Variants in EMB observed in about 807,000 individuals in gnomAD.
EMB encodes the protein embigin.
EMB carries 31 observed loss-of-function variants against 41.4 expected under a neutral mutation model. The ratio of observed to expected loss-of-function variants is 0.75; its 90% CI spans 0.56 to 1.01. The LOEUF (loss-of-function observed/expected upper bound fraction) is 1.01. Ranked by LOEUF, EMB falls within the 50% of genes least tolerant of loss-of-function variation. The pLI is 0.00. For synonymous variants in EMB, 137 were observed against 140.4 expected (o/e 0.98, Z 0.17); for missense variants, 379 against 388.3 (o/e 0.98, Z 0.20).
At position 50,416,342 on chromosome 5, in the gene EMB, A is replaced by G. The variant is rs372230563; in HGVS notation, c.197-4959T>C. Among the ~76,000 whole-genome samples, 9 of 152,332 alleles carry G rather than the reference A, an allele frequency of 5.9e-5. No individual in the cohort carries two copies. In the South Asian group the frequency reaches 1.7e-3, roughly 28 times the overall value. ...TGTTCTTAAAACCATATAGTAATTT[A>G]TACCTGTCTAAATAATTTCTTATTT... is the stretch of plus-strand genomic sequence containing the variant. On this transcript the variant is annotated intron_variant, in intron 2 of 8. Transcript: ENST00000303221.
At chr5:50,421,991 C>T (rs1162377862) in intron 2 of EMB, among the ~76,000 whole-genome samples, 2 of 151,666 alleles carry the variant, frequency 1.3e-5, no homozygotes, top group Non-Finnish European at 2.9e-5. Context: ...CACATGTATA[C>T]ATATGTAACA....
chr5:50,420,081 T>C (rs1345566629), intron 2 of EMB, among the ~76,000 whole-genome samples: 1 of 152,104 alleles, frequency 6.6e-6, no homozygotes, highest in African/African-American at 2.4e-5. Context: ...CATGCTGGGC[T>C]TACTGTCTAG....
chr5:50,412,628 T>C (rs1375359098), intron 2 of EMB, among the ~76,000 whole-genome samples: 6 of 151,520 alleles, frequency 4.0e-5, no homozygotes, highest in Non-Finnish European at 8.8e-5. Context: ...AAGCCCCCAC[T>C]TTTAACTGGC....
chr5:50,412,257 GACACAC>G (rs59853245), intron 2 of EMB, among the ~76,000 whole-genome samples: 16 of 141,740 alleles, frequency 1.1e-4, no homozygotes, highest in Non-Finnish European at 2.0e-4. Context: ...CACACACACA[GACACAC>G]ACACACACAC....
chr5:50,441,243 G>T lies in EMB; in HGVS notation c.-92C>A. On this transcript the variant is annotated 5_prime_UTR_variant, in exon 1 of 9. Coordinates refer to ENST00000303221, the MANE Select transcript of EMB (RefSeq NM_198449.3). Reference sequence around the variant, plus strand: ...GAGTCCCTGCGCACACTCGCAGGTGGCCCGGCGCTCGCAGCCAGTGCCGCG... The same window carrying T: ...GAGTCCCTGCGCACACTCGCAGGTGTCCCGGCGCTCGCAGCCAGTGCCGCG... 1.3e-6 allele frequency: 1 copy of T among 741,890 alleles called. No homozygotes were observed. Among genetic ancestry groups the T allele is most frequent in the Non-Finnish European group, 1.9e-6 (1 of 534,008 alleles). The allele number at this position is 741,890 out of a possible 1,614,324, so 46.0% of individuals were successfully genotyped here. A position where few individuals can be genotyped will look rare whatever the true frequency, so the allele number is the denominator to read the frequency against.
chr5:50,425,874 G>A (rs1745603479), intron 2 of EMB, among the ~76,000 whole-genome samples: 1 of 151,968 alleles, frequency 6.6e-6, no homozygotes, highest in African/African-American at 2.4e-5. Flanking sequence ...GGCAGAGACG[G>A]GGTTTTGCTA....
chr5:50,429,969 TCTCTCTCTCTCTCTC>T (rs770532760), intron 1 of EMB, among the ~76,000 whole-genome samples: 3 of 126,732 alleles, frequency 2.4e-5, no homozygotes, highest in African/African-American at 8.6e-5. Context: ...CAACTCTCTT[TCTCTCTCTCTCTCTC>T]TCTCTCTCTC....
At chr5:50,419,739 T>C (rs1190260882) in intron 2 of EMB, among the ~76,000 whole-genome samples, 2 of 152,140 alleles carry the variant, frequency 1.3e-5, no homozygotes, top group Admixed American at 6.5e-5. Flanking sequence ...CGTATGTTCA[T>C]TGCAGCACTA....
chr5:50,430,022 C>T (rs1356905461), intron 1 of EMB, among the ~76,000 whole-genome samples: 1 of 151,404 alleles, frequency 6.6e-6, no homozygotes, highest in African/African-American at 2.4e-5. Context: ...CACACACACA[C>T]ACAAACACAC....
chr5:50,436,219 T>G (rs1561142001), intron 1 of EMB, among the ~76,000 whole-genome samples: 1 of 152,164 alleles, frequency 6.6e-6, no homozygotes, highest in Non-Finnish European at 1.5e-5. Context: ...CATACATATA[T>G]TTACACATAT....
intron 2 of EMB, among the ~76,000 whole-genome samples, chr5:50,414,642 C>T (rs1458123393): frequency 6.6e-6 from 1 of 150,704 alleles, no homozygotes; most frequent in African/African-American, 2.4e-5. Context: ...TAGTGAAGTA[C>T]AGCTCGTGCA....
At chr5:50,407,442 G>A (rs1253830471) in intron 4 of EMB, among the ~76,000 whole-genome samples, 1 of 151,964 alleles carries the variant, frequency 6.6e-6, no homozygotes, top group African/African-American at 2.4e-5. Flanking sequence ...TTAAGATCAG[G>A]CTGTAAATTG....
chr5:50,408,088 C>T (rs1745276814), intron 4 of EMB, among the ~76,000 whole-genome samples: 1 of 151,976 alleles, frequency 6.6e-6, no homozygotes, highest in Non-Finnish European at 1.5e-5. Flanking sequence ...TATTATGCTA[C>T]CTTTCCATAC....
chr5:50,420,566 A>G (rs1745502780), intron 2 of EMB, among the ~76,000 whole-genome samples: 1 of 152,132 alleles, frequency 6.6e-6, no homozygotes, highest in Non-Finnish European at 1.5e-5. Context: ...CTTCCTTTAT[A>G]TACTTCCTAG....
chr5:50,403,654 T>C (rs1199757222), intron 5 of EMB, among the ~76,000 whole-genome samples, 200 bp from the exon 6 acceptor site: 3 of 151,956 alleles, frequency 2.0e-5, no homozygotes, highest in African/African-American at 7.2e-5. Flanking sequence ...AAAGAAAAAA[T>C]ATATACATTG....
intron 1 of EMB, among the ~76,000 whole-genome samples, chr5:50,440,623 G>A (rs1342732371): frequency 2.0e-5 from 3 of 150,128 alleles, no homozygotes; most frequent in Non-Finnish European, 4.4e-5. Flanking sequence ...CCTTACTCTC[G>A]AATCAAGAAA....
At chr5:50,432,443 A>T (rs1179257458) in intron 1 of EMB, among the ~76,000 whole-genome samples, 1 of 152,182 alleles carries the variant, frequency 6.6e-6, no homozygotes, top group Admixed American at 6.5e-5. Context: ...TATTATTCAT[A>T]AAATAGAGAT....
rs750579329 is a variant in EMB at position 50,398,461 on chromosome 5, G to C, written c.*812C>G. On this transcript the variant is annotated 3_prime_UTR_variant, in exon 9 of 9. Coordinates refer to ENST00000303221, the MANE Select transcript of EMB (RefSeq NM_198449.3). ...TTAAATCAAAGAACCAGGAAACCAT[G>C]AGCCACAAAAGCATCAGTGTAGCAG... 6.6e-6 allele frequency: 1 copy of C among 151,926 alleles called. No individual in the cohort carries two copies. The highest frequency in any genetic ancestry group is 2.1e-4 in the South Asian group (1 of 4,828). The allele number at this position is 151,926 out of a possible 1,614,324, so 9.4% of individuals were successfully genotyped here. A position where few individuals can be genotyped will look rare whatever the true frequency, so the allele number is the denominator to read the frequency against.
intron 4 of EMB, among the ~76,000 whole-genome samples, chr5:50,410,045 A>T (rs2111791105): frequency 6.6e-6 from 1 of 152,224 alleles, no homozygotes; most frequent in South Asian, 2.1e-4. Flanking sequence ...TGGAGCCTTG[A>T]GAATAGCATC....
Sources: gnomAD v4.1 joint callset for allele counts (sites outside exome capture counted in the v4.1 genomes callset) on GRCh38, gnomAD v4.1.1 for gene constraint, MANE v1.5 for transcripts, NCBI Gene and HGNC (gene_info 2026-07-23, HGNC 2026-07-21) for gene names.